ZFAT: variants seen among roughly 807,000 people sequenced by gnomAD.
ZFAT encodes the protein zinc finger and AT-hook domain containing.
ZFAT carries 64 observed loss-of-function variants against 117.7 expected under a neutral mutation model. The observed-to-expected ratio is 0.54, with a 90% CI of 0.44 to 0.67. The LOEUF (loss-of-function observed/expected upper bound fraction) is 0.67, where lower values mean the gene tolerates loss of function less well. Among genes scored for constraint, ZFAT ranks in the 30% least tolerant of loss-of-function variants. ZFAT has a pLI of 0.00. For synonymous variants in ZFAT, 679 were observed against 615.0 expected (o/e 1.10, Z -1.54); for missense variants, 1,433 against 1,584.5 (o/e 0.90, Z 1.62).
intron 1 of ZFAT, among the ~76,000 whole-genome samples, chr8:134,708,355 G>A (rs1482303035): frequency 5.3e-5 from 8 of 151,926 alleles, no homozygotes; most frequent in Admixed American, 5.2e-4. Context: ...ATAACTATTT[G>A]AGCTGATGGA....
the ZFAT span, among the ~76,000 whole-genome samples, chr8:134,732,419 G>C: frequency 6.6e-6 from 1 of 151,988 alleles, no homozygotes; most frequent in African/African-American, 2.4e-5. Flanking sequence ...GAAGGGGCTT[G>C]TCACAAGGGG....
At chr8:134,815,257 T>C in the ZFAT span, among the ~76,000 whole-genome samples, 2 of 152,192 alleles carry the variant, frequency 1.3e-5, no homozygotes, top group Non-Finnish European at 2.9e-5. Flanking sequence ...AAAACATCTG[T>C]AACATCTATA....
the ZFAT span, among the ~76,000 whole-genome samples, chr8:134,747,023 GC>G: frequency 2.6e-5 from 4 of 152,130 alleles, no homozygotes; most frequent in African/African-American, 9.7e-5. Context: ...AAAAATCAGA[GC>G]CTAATGTTTT....
chr8:134,637,785 TGTG>T (rs1830315918), intron 2 of ZFAT, 73 bp from the exon 3 acceptor site: 32 of 1,538,878 alleles, frequency 2.1e-5, no homozygotes, highest in Non-Finnish European at 2.8e-5. Context: ...ACCCTCCAAG[TGTG>T]AGGATATGTT....
At chr8:134,610,690 T>G (rs779920694) in intron 3 of ZFAT, 35 bp from the exon 4 acceptor site, 271 of 1,606,174 alleles carry the variant, frequency 1.7e-4, no homozygotes, top group Non-Finnish European at 2.2e-4. Context: ...TAAGGTATCC[T>G]TTTATATCAG....
chr8:134,796,449 A>G, the ZFAT span: 23 of 152,390 alleles, frequency 1.5e-4, no homozygotes, highest in African/African-American at 5.3e-4. Context: ...GTTGGTGGAG[A>G]GAAATCCCCA....
At chr8:134,653,902 A>G (rs778759635) in intron 2 of ZFAT, among the ~76,000 whole-genome samples, 5 of 152,324 alleles carry the variant, frequency 3.3e-5, no homozygotes, top group Non-Finnish European at 5.9e-5. Context: ...GCAGACAAAA[A>G]GTCTGGAAGA....
intron 11 of ZFAT, among the ~76,000 whole-genome samples, chr8:134,550,060 G>A (rs1315068263): frequency 1.3e-5 from 2 of 152,126 alleles, no homozygotes; most frequent in African/African-American, 2.4e-5. Context: ...GATATCAGGT[G>A]AATGAGAACA....
At chr8:134,500,291 A>C (rs530687037) in intron 15 of ZFAT, among the ~76,000 whole-genome samples, 33 of 152,296 alleles carry the variant, frequency 2.2e-4, no homozygotes, top group African/African-American at 7.9e-4. Flanking sequence ...AACTCAAATA[A>C]AGTGGGATTC....
the ZFAT span, among the ~76,000 whole-genome samples, chr8:134,827,737 C>T: frequency 6.7e-6 from 1 of 148,186 alleles, no homozygotes; most frequent in African/African-American, 2.5e-5. Context: ...CACTGCACTC[C>T]AGCCTGGGTG....
Position 134,645,496 on chromosome 8 carries a change from C to A in ZFAT, c.197-7784G>T, listed in dbSNP as rs112686042. ...AAGTAGTTTAGTATACACACACACA[C>A]AAAAAAGAAAACATACGGAAGAAGA... On this transcript the variant is annotated intron_variant, in intron 2 of 15. Coordinates refer to ENST00000377838, the MANE Select transcript of ZFAT (RefSeq NM_020863.4). 2.0e-3 allele frequency among the ~76,000 whole-genome samples: 304 copies of A among 151,762 alleles called. 1 individual carries two copies. The highest frequency in any genetic ancestry group is 2.9e-3 in the South Asian group (14 of 4,808).
intron 13 of ZFAT, among the ~76,000 whole-genome samples, chr8:134,513,224 G>A (rs576286705): frequency 6.9e-6 from 1 of 144,226 alleles, no homozygotes; most frequent in East Asian, 2.0e-4. Flanking sequence ...TTGAGACAGA[G>A]TCTCGCTCTG....
the ZFAT span, among the ~76,000 whole-genome samples, chr8:134,752,096 T>G: frequency 1.4e-4 from 22 of 152,306 alleles, no homozygotes; most frequent in African/African-American, 5.3e-4. Flanking sequence ...TCCGTTAACT[T>G]TGTCCTCCTT....
chr8:134,575,572 G>T (rs73711209), intron 10 of ZFAT, among the ~76,000 whole-genome samples: 1 of 152,166 alleles, frequency 6.6e-6, no homozygotes, highest in Non-Finnish European at 1.5e-5. Flanking sequence ...GATCTAGGTC[G>T]CTAACTTTGT....
intron 11 of ZFAT, among the ~76,000 whole-genome samples, chr8:134,564,333 TC>T (rs1824267465): frequency 6.6e-6 from 1 of 151,974 alleles, no homozygotes; most frequent in Non-Finnish European, 1.5e-5. Flanking sequence ...TGTGGACATA[TC>T]CCAGTAGAAC....
intron 1 of ZFAT, among the ~76,000 whole-genome samples, chr8:134,677,469 A>G (rs988397443): frequency 6.6e-6 from 1 of 152,198 alleles, no homozygotes. Context: ...CCAACCAAAA[A>G]AAGTCCAGGA....
rs528349194 is a variant in ZFAT, at chr8:134,706,518, C to G, written c.19+6327G>C. On this transcript the variant is annotated intron_variant, in intron 1 of 15. Transcript: ENST00000377838. The stretch of plus-strand genomic sequence containing the variant: ...ACCAGCCTGGCCAACATGGTGAAAC[C>G]CCGTCTCCACTAAAAATACAGAAAT... 2.6e-5 allele frequency among the ~76,000 whole-genome samples: 4 copies of G among 152,214 alleles called. No individual in the cohort carries two copies. In the East Asian group the frequency reaches 5.8e-4, roughly 22 times the overall value.
intron 1 of ZFAT, among the ~76,000 whole-genome samples, chr8:134,670,820 T>TTCCCG (rs1304609530): frequency 6.6e-6 from 1 of 152,170 alleles, no homozygotes; most frequent in Non-Finnish European, 1.5e-5. Context: ...AGGAGCTGGT[T>TTCCCG]TTTTGAAAAG....
intron 5 of ZFAT, among the ~76,000 whole-genome samples, chr8:134,603,541 G>C (rs1055887612): frequency 6.6e-6 from 1 of 152,182 alleles, no homozygotes; most frequent in Non-Finnish European, 1.5e-5. Context: ...TTTCCTTTCT[G>C]CAAGTTTCCA....
Sources: gnomAD v4.1 joint callset for allele counts (sites outside exome capture counted in the v4.1 genomes callset) on GRCh38, gnomAD v4.1.1 for gene constraint, MANE v1.5 for transcripts, NCBI Gene and HGNC (gene_info 2026-07-23, HGNC 2026-07-21) for gene names.